Variants in RXFP1 observed in about 807,000 individuals in gnomAD.
RXFP1 encodes relaxin receptor 1.
A neutral mutation model predicts 89.8 loss-of-function variants in RXFP1; 73 were observed. The ratio of observed to expected loss-of-function variants is 0.81; its 90% CI spans 0.67 to 0.99. RXFP1 has a LOEUF of 0.99. Ranked by LOEUF, RXFP1 falls within the 50% of genes least tolerant of loss-of-function variation. The pLI, the probability that RXFP1 is intolerant of heterozygous loss-of-function variation, is 0.00. For synonymous variants in RXFP1, 277 were observed against 305.5 expected, an observed-to-expected ratio of 0.91 and a Z score of 0.97; for missense variants, 793 against 895.5, an observed-to-expected ratio of 0.89 and a Z score of 1.46.
chr4:158,537,394 G>T (rs1355806345), intron 1 of RXFP1, among the ~76,000 whole-genome samples: 1 of 151,942 alleles, frequency 6.6e-6, no homozygotes, highest in Non-Finnish European at 1.5e-5. Context: ...TCCCTAGAGT[G>T]TCTATGAGGT....
At chr4:158,589,019 T>A (rs922433062) in intron 2 of RXFP1, among the ~76,000 whole-genome samples, 6 of 152,318 alleles carry the variant, frequency 3.9e-5, no homozygotes, top group Non-Finnish European at 5.9e-5. Context: ...AAAAGAGGTT[T>A]AATTGACTCA....
At chr4:158,539,083 C>T (rs903558686) in intron 1 of RXFP1, among the ~76,000 whole-genome samples, 1 of 152,198 alleles carries the variant, frequency 6.6e-6, no homozygotes, top group South Asian at 2.1e-4. Context: ...TAGCAACCAC[C>T]TCCCATCATG....
intron 1 of RXFP1, among the ~76,000 whole-genome samples, chr4:158,526,120 C>T (rs1742438956): frequency 1.3e-5 from 2 of 152,248 alleles, no homozygotes; most frequent in African/African-American, 4.8e-5. Flanking sequence ...TTTAACAAAT[C>T]CATGCTAGGC....
intron 10 of RXFP1, among the ~76,000 whole-genome samples, 163 bp from the exon 11 acceptor site, chr4:158,628,475 T>G (rs1767361316): frequency 6.6e-6 from 1 of 152,234 alleles, no homozygotes; most frequent in Admixed American, 6.5e-5. Context: ...TTGAGAAATT[T>G]AGGATTAAAA....
Position 158,607,962 on chromosome 4 carries a change from AT to A in RXFP1, c.465-6del. The A allele has an allele frequency of 1.3e-6, 2 of 1,579,408 alleles. No homozygotes were observed. The highest frequency in any genetic ancestry group is 8.6e-7 in the Non-Finnish European group (1 of 1,160,498). On this transcript the variant is annotated splice_polypyrimidine_tract_variant and intron_variant, in intron 5 of 17. Coordinates refer to ENST00000307765, the MANE Select transcript of RXFP1 (RefSeq NM_021634.4). Reference sequence around the variant, plus strand: ...TCATTTTTTTTTCTTTTTAATAATCATTTTCACAGGTACCTGCAAAACAATA... The same window carrying A: ...TCATTTTTTTTTCTTTTTAATAATCATTTCACAGGTACCTGCAAAACAATA...
At position 158,612,148 on chromosome 4, in the gene RXFP1, A is replaced by C. The variant is rs756680515; in HGVS notation, c.555A>C (p.Arg185Ser). 1 of 1,610,628 alleles carries C rather than the reference A, an allele frequency of 6.2e-7. No homozygotes were observed. Among genetic ancestry groups the C allele is most frequent in the Admixed American group, 1.7e-5 (1 of 59,498 alleles). The change falls in exon 7 of 18, where the codon AGA (arginine) becomes AGC (serine). Residue 185 changes from arginine to serine, a missense_variant. By Grantham distance (110) the Arg-to-Ser change is moderately radical. Coordinates refer to ENST00000307765, the MANE Select transcript of RXFP1 (RefSeq NM_021634.4). ...SLTKLYLSHN[R>S]ITFLKPGVFE... Reference sequence around the variant, plus strand: ...TTTCCAGGTATCTCAGTCATAACAGAATAACCTTCCTGAAGCCGGGTGTTT... The same window carrying C: ...TTTCCAGGTATCTCAGTCATAACAGCATAACCTTCCTGAAGCCGGGTGTTT...
At chr4:158,577,036 C>T (rs1756390184) in intron 2 of RXFP1, among the ~76,000 whole-genome samples, 3 of 148,602 alleles carry the variant, frequency 2.0e-5, no homozygotes, top group African/African-American at 7.4e-5. Context: ...TCTTCTTCTT[C>T]TTCTTTCTTC....
intron 11 of RXFP1, among the ~76,000 whole-genome samples, chr4:158,632,602 G>A (rs370451422): frequency 9.9e-5 from 15 of 152,206 alleles, no homozygotes; most frequent in African/African-American, 3.6e-4. Flanking sequence ...TTAGGACTAA[G>A]GTACGAGGTC....
At chr4:158,617,242 A>T in intron 9 of RXFP1, 37 bp downstream of exon 9, 1 of 1,499,950 alleles carries the variant, frequency 6.7e-7, no homozygotes, top group Non-Finnish European at 9.2e-7. Context: ...AACTCAACTA[A>T]ATTTTCTGTT....
At chr4:158,535,122 G>A (rs949910061) in intron 1 of RXFP1, among the ~76,000 whole-genome samples, 1 of 152,062 alleles carries the variant, frequency 6.6e-6, no homozygotes, top group South Asian at 2.1e-4. Context: ...CCAGGGAGAG[G>A]AGAGAAGGGC....
At chr4:158,550,159 C>A (rs572909327) in intron 1 of RXFP1, among the ~76,000 whole-genome samples, 43 of 152,334 alleles carry the variant, frequency 2.8e-4, no homozygotes, top group African/African-American at 7.9e-4. Context: ...TGGCAGGAGG[C>A]CCTCCCCCAG....
intron 12 of RXFP1, among the ~76,000 whole-genome samples, chr4:158,637,402 C>T (rs1030228065): frequency 1.3e-5 from 2 of 152,090 alleles, no homozygotes; most frequent in Non-Finnish European, 2.9e-5. Flanking sequence ...CATCCTCAAC[C>T]CTTATCTTTC....
intron 1 of RXFP1, among the ~76,000 whole-genome samples, chr4:158,541,484 A>G (rs1746620971): frequency 6.6e-6 from 1 of 152,100 alleles, no homozygotes; most frequent in Admixed American, 6.6e-5. Flanking sequence ...GGAAATTTTA[A>G]AACTTGGAAA....
At chr4:158,545,616 T>A (rs183034707) in intron 1 of RXFP1, among the ~76,000 whole-genome samples, 286 of 152,336 alleles carry the variant, frequency 1.9e-3, no homozygotes, top group African/African-American at 6.4e-3. Context: ...CATCTTGAAT[T>A]AATTTTTGTA....
At chr4:158,590,728 C>T (rs1006216448) in intron 2 of RXFP1, among the ~76,000 whole-genome samples, 4 of 152,096 alleles carry the variant, frequency 2.6e-5, no homozygotes, top group Non-Finnish European at 4.4e-5. Context: ...ATAACCCATC[C>T]GATGTTTCCA....
At chr4:158,580,214 A>C (rs1257331605) in intron 2 of RXFP1, among the ~76,000 whole-genome samples, 2 of 152,124 alleles carry the variant, frequency 1.3e-5, no homozygotes, top group Non-Finnish European at 2.9e-5. Flanking sequence ...CCCTAGGATA[A>C]TGAGGAGGAG....
At chr4:158,626,174 A>AGATG (rs1478601566) in intron 9 of RXFP1, among the ~76,000 whole-genome samples, 3 of 148,194 alleles carry the variant, frequency 2.0e-5, no homozygotes, top group Non-Finnish European at 1.5e-5. Context: ...ATAGATAGAT[A>AGATG]GATGTAGAGA....
chr4:158,599,326 T>C lies in RXFP1; in HGVS notation c.287T>C (p.Leu96Ser). 6.2e-7 allele frequency: 1 copy of C among 1,613,912 alleles called. No homozygotes were observed. Among genetic ancestry groups the C allele is most frequent in the East Asian group, 2.2e-5 (1 of 44,850 alleles). The part of the protein sequence containing the change: ...YPFEAETPEC[L>S]VGSVPVQCLC... ...GCCTTACCACTTCCCCTTGATTCAG[T>C]GGTCGGTTCTGTGCCAGTGCAATGT... Residue 96 changes from leucine to serine, a missense_variant and splice_region_variant, in exon 4 of 18, where the codon TTG becomes TCG. Coordinates refer to ENST00000307765, the MANE Select transcript of RXFP1 (RefSeq NM_021634.4).
intron 6 of RXFP1, among the ~76,000 whole-genome samples, chr4:158,608,318 C>A (rs1762917280): frequency 9.9e-6 from 1 of 101,148 alleles, no homozygotes. Context: ...GAGACAGAGT[C>A]TCTCTGTCAC....
Sources: allele counts gnomAD v4.1 joint callset (sites outside exome capture counted in the v4.1 genomes callset), GRCh38; gene constraint gnomAD v4.1.1; transcripts MANE v1.5; gene names NCBI Gene and HGNC (gene_info 2026-07-23, HGNC 2026-07-21).